The following ZNF568 variants were observed in gnomAD, a reference collection of about 807,000 sequenced individuals.
ZNF568 encodes the protein zinc finger protein 568.
Under a neutral mutation model 18.1 loss-of-function variants are expected in ZNF568, and 11 were observed. The observed-to-expected ratio is 0.61, with a 90% CI of 0.38 to 1.00. The LOEUF (loss-of-function observed/expected upper bound fraction) is 1.00, where lower values mean the gene tolerates loss of function less well. Ranked by LOEUF, ZNF568 falls within the 50% of genes least tolerant of loss-of-function variation. The pLI is 0.01. For missense variants in ZNF568, 639 were observed against 768.2 expected (o/e 0.83, Z 1.99); for synonymous variants, 213 against 246.6 (o/e 0.86, Z 1.28).
exon 5 of ZNF568, chr19:36,996,537 G>C (rs1237713941): frequency 6.5e-7 from 1 of 1,536,150 alleles, no homozygotes; most frequent in Admixed American, 2.0e-5. Context: ...ATACTGGAGA[G>C]AAATCCTGTG....
At chr19:36,917,736 TA>T (rs1380097294) in intron 2 of ZNF568, 88 bp downstream of exon 2, 1 of 152,248 alleles carries the variant, frequency 6.6e-6, no homozygotes, top group East Asian at 1.9e-4. Context: ...GATTGACATA[TA>T]ATAGTTGCAC....
chr19:36,962,855 T>TG (rs1304888516), intron 6 of ZNF568, among the ~76,000 whole-genome samples: 2 of 152,168 alleles, frequency 1.3e-5, no homozygotes, highest in Non-Finnish European at 2.9e-5. Context: ...ATTAGTCTTA[T>TG]GGGGTTTCTT....
At chr19:36,958,234 T>C (rs747376262) in intron 6 of ZNF568, among the ~76,000 whole-genome samples, 4 of 152,204 alleles carry the variant, frequency 2.6e-5, no homozygotes, top group African/African-American at 4.8e-5. Context: ...TCTGTAGTTT[T>C]CTTTTCTTGT....
chr19:36,957,474 C>T (rs1008332213), downstream of ZNF568, among the ~76,000 whole-genome samples: 38 of 152,108 alleles, frequency 2.5e-4, no homozygotes, highest in African/African-American at 8.2e-4. Context: ...TCAGGTGATC[C>T]GCCTCAGCCT....
At chr19:36,927,892 TATATATATATA>T in intron 4 of ZNF568, among the ~76,000 whole-genome samples, 1 of 31,116 alleles carries the variant, frequency 3.2e-5, no homozygotes, top group East Asian at 5.2e-4. Flanking sequence ...ATATATTATA[TATATATATATA>T]TTTTTTTTTT....
intron 6 of ZNF568, among the ~76,000 whole-genome samples, chr19:36,949,120 G>A (rs1419829241): frequency 6.6e-6 from 1 of 152,074 alleles, no homozygotes; most frequent in East Asian, 1.9e-4. Context: ...TTAGGAAGGA[G>A]GAAAAATACA....
intron 3 of ZNF568, chr19:36,991,590 T>A: frequency 1.5e-6 from 1 of 658,548 alleles, no homozygotes; most frequent in Non-Finnish European, 2.4e-6. Context: ...ACTTTTTTTC[T>A]AATTAGACAA....
chr19:36,973,228 G>C (rs1473840123), intron 6 of ZNF568: 2 of 152,762 alleles, frequency 1.3e-5, no homozygotes, highest in African/African-American at 4.8e-5. Context: ...GAAAGCAAAG[G>C]GCTGGAACGT....
At chr19:36,927,240 C>G (rs927632098) in intron 4 of ZNF568, among the ~76,000 whole-genome samples, 3 of 152,146 alleles carry the variant, frequency 2.0e-5, no homozygotes, top group Non-Finnish European at 2.9e-5. Context: ...AGTCTTTTCT[C>G]ATGAGTTGCC....
chr19:36,991,325 C>T, intron 3 of ZNF568: 1 of 1,503,220 alleles, frequency 6.7e-7, no homozygotes, highest in Non-Finnish European at 8.8e-7. Flanking sequence ...CCTCCGTACA[C>T]CCCCTGCCCC....
chr19:36,993,586 G>T (rs561030095), intron 4 of ZNF568, among the ~76,000 whole-genome samples: 12 of 152,154 alleles, frequency 7.9e-5, no homozygotes, highest in Middle Eastern at 3.4e-3. Flanking sequence ...TTTGGTATAG[G>T]TCTATTCAGG....
exon 7 of ZNF568, chr19:36,974,442 C>T: frequency 6.5e-7 from 1 of 1,536,044 alleles, no homozygotes; most frequent in Non-Finnish European, 8.7e-7. Context: ...GAGAGAACTG[C>T]TGTGCGTCTG....
intron 7 of ZNF568, among the ~76,000 whole-genome samples, chr19:36,974,826 A>AT (rs3053253): frequency 0.32 from 41,650 of 132,032 alleles, 7,124 homozygotes; most frequent in Non-Finnish European, 0.35. Flanking sequence ...TTGCTTACCA[A>AT]TTTTTTTTTT....
At chr19:36,956,415 G>A (rs2074107627), downstream of ZNF568, among the ~76,000 whole-genome samples, 1 of 152,046 alleles carries the variant, frequency 6.6e-6, no homozygotes, top group Admixed American at 6.6e-5. Flanking sequence ...AATTTCAACT[G>A]CATCAGTTTA....
chr19:36,939,173 A>G (rs907412448), intron 6 of ZNF568, among the ~76,000 whole-genome samples: 2 of 152,168 alleles, frequency 1.3e-5, no homozygotes, highest in Non-Finnish European at 2.9e-5. Flanking sequence ...CTTCCTCTAG[A>G]ACTCAGTGTC....
intron 4 of ZNF568, among the ~76,000 whole-genome samples, chr19:36,935,841 A>G (rs1377198398): frequency 1.3e-5 from 2 of 152,028 alleles, no homozygotes; most frequent in Non-Finnish European, 1.5e-5. Context: ...TTTTCAAGCT[A>G]TTTGTATATT....
intron 6 of ZNF568, among the ~76,000 whole-genome samples, chr19:36,938,193 C>T (rs1355162036): frequency 6.6e-6 from 1 of 152,124 alleles, no homozygotes; most frequent in Non-Finnish European, 1.5e-5. Context: ...TTCATATCTA[C>T]TTCTGTGTCC....
intron 7 of ZNF568, among the ~76,000 whole-genome samples, chr19:36,977,824 A>G (rs980822906): frequency 9.2e-5 from 14 of 152,190 alleles, no homozygotes; most frequent in Non-Finnish European, 1.6e-4. Flanking sequence ...ATCTTAGCCC[A>G]TTTCTGCCAT....
chr19:36,946,704 G>A (rs1201457085), intron 6 of ZNF568, among the ~76,000 whole-genome samples: 2 of 140,212 alleles, frequency 1.4e-5, no homozygotes, highest in Non-Finnish European at 3.0e-5. Context: ...CCAGGCTGGA[G>A]TGCAAAGTTG....
Sources: gnomAD v4.1 joint callset for allele counts (sites outside exome capture counted in the v4.1 genomes callset) on GRCh38, gnomAD v4.1.1 for gene constraint, MANE v1.5 for transcripts, NCBI Gene and HGNC (gene_info 2026-07-23, HGNC 2026-07-21) for gene names.